The following CD27 variants were observed in gnomAD, a reference collection of about 807,000 sequenced individuals.
CD27 encodes CD27 antigen.
In CD27, 16 loss-of-function variants were observed where a neutral mutation model predicts 25.9. The observed-to-expected ratio is 0.62, with a 90% CI of 0.42 to 0.94. The LOEUF (loss-of-function observed/expected upper bound fraction) is 0.94. Among genes scored for constraint, CD27 ranks in the 40% least tolerant of loss-of-function variants. The probability of loss-of-function intolerance (pLI) is 0.00; values close to 1 mark genes in which losing one functional copy is unlikely to be tolerated. For synonymous variants in CD27, 142 were observed against 124.3 expected (o/e 1.14, Z -0.95); for missense variants, 300 against 333.2 (o/e 0.90, Z 0.78).
chr12:6,449,603 C>G (rs941311663), intron 2 of CD27, among the ~76,000 whole-genome samples: 19 of 152,176 alleles, frequency 1.2e-4, no homozygotes, highest in Non-Finnish European at 1.9e-4. Context: ...AATCCCAACA[C>G]TTTGGGAGGC....
rs1949510556 is a variant in CD27 at position 6,450,463 on chromosome 12, C to T, written c.449-78C>T. 6.5e-7 allele frequency: 1 copy of T among 1,535,962 alleles called. No individual in the cohort carries two copies. Among genetic ancestry groups the T allele is most frequent in the Non-Finnish European group, 9.0e-7 (1 of 1,117,310 alleles). ...GTCAGCCTGTTTCTGCCTTCCCATC[C>T]CATCCAGCACCTCTCAGGCCTTCAG... On this transcript the variant is annotated intron_variant, in intron 3 of 5. Transcript: ENST00000266557. This position sits in a 1 kb window ranked among gnomAD's most constrained non-coding sequence, Gnocchi z 4.1.
At chr12:6,444,923 GAA>G, upstream of CD27, 1 of 575,220 alleles carries the variant, frequency 1.7e-6, no homozygotes, top group Non-Finnish European at 2.8e-6. Flanking sequence ...CTATGAGAGA[GAA>G]AAAAAAAACA....
Position 6,445,700 on chromosome 12 carries a change from G to A in CD27, c.268+145G>A. The A allele has an allele frequency of 9.6e-7, 1 of 1,039,112 alleles. No homozygotes were observed. Among genetic ancestry groups the A allele is most frequent in the African/African-American group, 1.6e-5 (1 of 62,306 alleles). The allele number at this position is 1,039,112 out of a possible 1,614,324, so 64.4% of individuals were successfully genotyped here. On this transcript the variant is annotated intron_variant, in intron 2 of 5. Coordinates refer to ENST00000266557, the MANE Select transcript of CD27 (RefSeq NM_001242.5). The surrounding 1 kb of genome is among the most constrained non-coding windows in gnomAD (Gnocchi z 4.5). ...GCTCACAGCAAGTGGAGCCAATGCT[G>A]GGAAATGCGGCACCCTAGGTGGGGC...
intron 2 of CD27, among the ~76,000 whole-genome samples, chr12:6,449,893 G>A (rs1358348473): frequency 6.6e-6 from 1 of 152,124 alleles, no homozygotes; most frequent in African/African-American, 2.4e-5. Context: ...GGGAGTACAA[G>A]AGAAAGTCAT....
rs1949543899 is a variant in CD27 at position 6,451,369 on chromosome 12, C to T, written c.760C>T (p.Pro254Ser). Residue 254 changes from proline to serine, a missense_variant, in exon 6 of 6, where the codon CCG becomes TCG. Pro to Ser is a moderately conservative substitution (Grantham distance 74). Transcript: ENST00000266557. ...CCCCATCCAGGAGGATTACCGAAAA[C>T]CGGAGCCTGCCTGCTCCCCCTGAGC... is the stretch of plus-strand genomic sequence containing the variant. Reference protein sequence around the residue: ...TIPIQEDYRKPEPACSP With the variant: ...TIPIQEDYRKSEPACSP The T allele has an allele frequency of 6.2e-7, 1 of 1,613,530 alleles. No homozygotes were observed. Among genetic ancestry groups the T allele is most frequent in the Admixed American group, 1.7e-5 (1 of 60,006 alleles).
At chr12:6,451,055 C>T (rs1949533315) in intron 5 of CD27, 41 bp downstream of exon 5, 1 of 1,612,892 alleles carries the variant, frequency 6.2e-7, no homozygotes, top group Non-Finnish European at 8.5e-7. Context: ...GCCCCTGCAC[C>T]ACACCCCACT....
In CD27 at chr12:6,446,131, C is replaced by T. The variant is rs182839904; in HGVS notation, c.268+576C>T. ...AATGCTGTTATTATTTCTCCATCTT[C>T]GCTACAATTTCAGAAACTACGGCCA... On this transcript the variant is annotated intron_variant, in intron 2 of 5. Coordinates refer to ENST00000266557, the MANE Select transcript of CD27 (RefSeq NM_001242.5). 3.2e-3 allele frequency among the ~76,000 whole-genome samples: 482 copies of T among 152,256 alleles called. 2 individuals are homozygous for T. Among genetic ancestry groups the T allele is most frequent in the Middle Eastern group, 6.8e-3 (2 of 294 alleles).
In CD27 at chr12:6,450,525, G is replaced by A; in HGVS notation, c.449-16G>A. On this transcript the variant is annotated splice_polypyrimidine_tract_variant and intron_variant, in intron 3 of 5. Transcript: ENST00000266557. The surrounding 1 kb of genome is among the most constrained non-coding windows in gnomAD (Gnocchi z 4.1). ...GGGGTCCCCTGCTGCTACTCATTCT[G>A]TCTCTGTTTTTCCAGAGATGCTGGA... 6.2e-7 allele frequency: 1 copy of A among 1,611,414 alleles called. No homozygotes were observed. The highest frequency in any genetic ancestry group is 8.5e-7 in the Non-Finnish European group (1 of 1,178,304).
chr12:6,445,410 C>A lies in CD27; in HGVS notation c.137-14C>A. The A allele has an allele frequency of 6.2e-7, 1 of 1,614,034 alleles. No homozygotes were observed. The highest frequency in any genetic ancestry group is 8.5e-7 in the Non-Finnish European group (1 of 1,179,940). On this transcript the variant is annotated splice_polypyrimidine_tract_variant and intron_variant, in intron 1 of 5. Transcript: ENST00000266557. This position sits in a 1 kb window ranked among gnomAD's most constrained non-coding sequence, Gnocchi z 4.5. Reference sequence around the variant, plus strand: ...GCCCTTCTCAGGCCTTGATCCCTTACCCTCTCCTCCCAGGAACATTCCTCG... The same window carrying A: ...GCCCTTCTCAGGCCTTGATCCCTTAACCTCTCCTCCCAGGAACATTCCTCG...
chr12:6,450,217 G>A lies in CD27; in HGVS notation c.313G>A (p.Ala105Thr), dbSNP rs1344894225. The change falls in exon 3 of 6, where the codon GCC becomes ACC. Residue 105 changes from alanine to threonine, a missense_variant. Transcript: ENST00000266557. The surrounding 1 kb of genome is among the most constrained non-coding windows in gnomAD (Gnocchi z 4.1). ...NCTITANAEC[A>T]CRNGWQCRDK... The stretch of plus-strand genomic sequence containing the variant: ...CACCATCACTGCCAATGCTGAGTGT[G>A]CCTGTCGCAATGGCTGGCAGTGCAG... 6.2e-7 allele frequency: 1 copy of A among 1,613,600 alleles called. No homozygotes were observed. The highest frequency in any genetic ancestry group is 8.5e-7 in the Non-Finnish European group (1 of 1,180,000).
chr12:6,451,387 C>T lies in CD27; in HGVS notation c.778C>T (p.Pro260Ser), dbSNP rs752860747. Residue 260 changes from proline (P) to serine (S), a missense_variant, in exon 6 of 6, where the codon CCC becomes TCC. By Grantham distance (74) the Pro-to-Ser change is moderately conservative (BLOSUM62 -1). Transcript: ENST00000266557. Reference sequence around the variant, plus strand: ...CCGAAAACCGGAGCCTGCCTGCTCCCCCTGAGCCAGCACCTGCGGGAGCTG... The same window carrying T: ...CCGAAAACCGGAGCCTGCCTGCTCCTCCTGAGCCAGCACCTGCGGGAGCTG... ...DYRKPEPACS[P>S] 1.6e-5 allele frequency: 26 copies of T among 1,612,720 alleles called. No individual in the cohort carries two copies. The highest frequency in any genetic ancestry group is 5.3e-5 in the African/African-American group (4 of 74,908).
intron 2 of CD27, among the ~76,000 whole-genome samples, chr12:6,449,916 T>C (rs918624702): frequency 6.6e-6 from 1 of 152,200 alleles, no homozygotes; most frequent in Non-Finnish European, 1.5e-5. Context: ...AAGCTCTTTC[T>C]ACTTTTCATG....
intron 2 of CD27, among the ~76,000 whole-genome samples, chr12:6,449,306 C>CT (rs1949474283): frequency 3.5e-5 from 4 of 112,986 alleles, no homozygotes; most frequent in Admixed American, 1.8e-4. Flanking sequence ...TATTTTCTTT[C>CT]TTTCTTTTCT....
At chr12:6,447,139 A>G (rs996426099) in intron 2 of CD27, 1 of 152,194 alleles carries the variant, frequency 6.6e-6, no homozygotes, top group African/African-American at 2.4e-5. Context: ...CAAATCAACC[A>G]AAAAGGAACG....
rs1281935228 is a variant in CD27 at position 6,450,454 on chromosome 12, C to A, written c.449-87C>A. ...CTAGATAAGGTCAGCCTGTTTCTGC[C>A]TTCCCATCCCATCCAGCACCTCTCA... On this transcript the variant is annotated intron_variant, in intron 3 of 5. Transcript: ENST00000266557. This position sits in a 1 kb window ranked among gnomAD's most constrained non-coding sequence, Gnocchi z 4.1. 6.5e-7 allele frequency: 1 copy of A among 1,538,790 alleles called. No homozygotes were observed. The highest frequency in any genetic ancestry group is 8.9e-7 in the Non-Finnish European group (1 of 1,121,602).
intron 5 of CD27, 30 bp downstream of exon 5, chr12:6,451,044 T>C (rs766375594): frequency 3.7e-6 from 6 of 1,613,436 alleles, no homozygotes; most frequent in Non-Finnish European, 5.1e-6. Context: ...CCTCCGGTCC[T>C]GCCCCTGCAC....
Position 6,444,982 on chromosome 12 carries a change from C to G in CD27, c.-114C>G, listed in dbSNP as rs1949391564. Reference sequence around the variant, plus strand: ...TCAAAGGTTGGCTTGCCACCTGAAGCAGCCACTGCCCAGGGGGTGCAAAGA... The same window carrying G: ...TCAAAGGTTGGCTTGCCACCTGAAGGAGCCACTGCCCAGGGGGTGCAAAGA... On this transcript the variant is annotated 5_prime_UTR_variant, in exon 1 of 6. Transcript: ENST00000266557. 8.2e-7 allele frequency: 1 copy of G among 1,215,554 alleles called. No individual in the cohort carries two copies. Among genetic ancestry groups the G allele is most frequent in the Admixed American group, 3.1e-5 (1 of 32,354 alleles). The allele number at this position is 1,215,554 out of a possible 1,614,324, so 75.3% of individuals were successfully genotyped here. A position where few individuals can be genotyped will look rare whatever the true frequency, so the allele number is the denominator to read the frequency against.
At chr12:6,444,519 C>T (rs1949384253), upstream of CD27, among the ~76,000 whole-genome samples, 1 of 151,994 alleles carries the variant, frequency 6.6e-6, no homozygotes, top group South Asian at 2.1e-4. Context: ...ATCTGACCCC[C>T]AAAGTTTCAG....
chr12:6,451,230 C>G, intron 5 of CD27, 38 bp from the exon 6 acceptor site: 1 of 1,606,414 alleles, frequency 6.2e-7, no homozygotes, highest in Middle Eastern at 1.7e-4. Context: ...CCCCCTGCCC[C>G]CACTGCTGGC....
Sources: allele counts gnomAD v4.1 joint callset (sites outside exome capture counted in the v4.1 genomes callset), GRCh38; gene constraint gnomAD v4.1.1; non-coding constraint Gnocchi (gnomAD v3.1); transcripts MANE v1.5; gene names NCBI Gene and HGNC (gene_info 2026-07-23, HGNC 2026-07-21).